Variants in ATRX observed in about 807,000 individuals in gnomAD.
ATRX encodes chromatin remodeler ATRX.
In ATRX, 12 loss-of-function variants were observed where a neutral mutation model predicts 172.6. That is an observed-to-expected ratio of 0.07 (90% CI 0.04 to 0.11). The LOEUF (loss-of-function observed/expected upper bound fraction) is 0.11, where lower values mean the gene tolerates loss of function less well. Ranked by LOEUF, ATRX falls within the 10% of genes least tolerant of loss-of-function variation. The probability of loss-of-function intolerance (pLI) is 1.00; values close to 1 mark genes in which losing one functional copy is unlikely to be tolerated. For synonymous variants in ATRX, 674 were observed against 594.7 expected (o/e 1.13, Z -1.94); for missense variants, 1,368 against 1,767.4 (o/e 0.77, Z 4.05).
At chrX:77,734,236 C>T (rs2074435521) in intron 1 of ATRX, among the ~76,000 whole-genome samples, 1 of 105,877 alleles carries the variant, frequency 9.4e-6, no homozygotes, top group African/African-American at 3.5e-5. Context: ...TACATACATA[C>T]ATACATACAT....
chrX:77,547,646 A>G (rs1442782685), intron 30 of ATRX, among the ~76,000 whole-genome samples: 2 of 110,576 alleles, frequency 1.8e-5, no homozygotes, highest in Non-Finnish European at 3.8e-5. Context: ...AAAGTTGCTT[A>G]TATTATTTAA....
At chrX:77,573,014 TA>T in intron 28 of ATRX, among the ~76,000 whole-genome samples, 1 of 111,948 alleles carries the variant, frequency 8.9e-6, no homozygotes, top group South Asian at 3.7e-4. Flanking sequence ...TCTACTAAAC[TA>T]ACCCCATCTC....
intron 30 of ATRX, among the ~76,000 whole-genome samples, chrX:77,551,609 T>C (rs1557056251): frequency 3.6e-5 from 4 of 111,882 alleles, no homozygotes; most frequent in Non-Finnish European, 5.6e-5. Context: ...AAAGCCAAAA[T>C]TGACAAATGG....
intron 1 of ATRX, among the ~76,000 whole-genome samples, chrX:77,766,508 G>T (rs1461374324): frequency 9.2e-6 from 1 of 108,977 alleles, no homozygotes; most frequent in Non-Finnish European, 1.9e-5. Flanking sequence ...CTCAGACGGG[G>T]CGGCCAGGCA....
In ATRX at chrX:77,741,012, G is replaced by C. The variant is rs182152612; in HGVS notation, c.21-23769C>G. ...GAGCCCAGGAGGTCAAGACCAGCCT[G>C]AGCAACATAGTGAGACCCTGTCTCT... is the stretch of plus-strand genomic sequence containing the variant. On this transcript the variant is annotated intron_variant, in intron 1 of 34. Transcript: ENST00000373344. Among the ~76,000 whole-genome samples, 401 of 100,663 alleles carry C rather than the reference G, an allele frequency of 4.0e-3. 1 individual carries two copies. The highest frequency in any genetic ancestry group is 0.013 in the African/African-American group (378 of 29,116). 87.4% of individuals were successfully genotyped at this position (100,663 alleles called of 115,157 possible). A position where few individuals can be genotyped will look rare whatever the true frequency, so the allele number is the denominator to read the frequency against.
intron 15 of ATRX, among the ~76,000 whole-genome samples, chrX:77,650,002 T>G (rs1177409369): frequency 8.9e-6 from 1 of 111,823 alleles, no homozygotes; most frequent in Non-Finnish European, 1.9e-5. Flanking sequence ...AGAAGGTAAA[T>G]AAATAGAGAA....
At chrX:77,685,225 G>A (rs1174675260) in intron 7 of ATRX, among the ~76,000 whole-genome samples, 1 of 111,743 alleles carries the variant, frequency 8.9e-6, no homozygotes, top group East Asian at 2.8e-4. Flanking sequence ...GCACAGCAAA[G>A]GATACAATCA....
intron 1 of ATRX, among the ~76,000 whole-genome samples, chrX:77,721,134 C>T (rs782535285): frequency 3.6e-5 from 4 of 111,508 alleles, no homozygotes; most frequent in South Asian, 7.5e-4. Flanking sequence ...CACTCCTTCA[C>T]GCTAAAAACT....
At chrX:77,659,524 C>G (rs113774625) in intron 12 of ATRX, among the ~76,000 whole-genome samples, 71 of 98,335 alleles carry the variant, frequency 7.2e-4, no homozygotes, top group African/African-American at 1.6e-3. Context: ...CACACACACA[C>G]AGGCAGACAC....
intron 15 of ATRX, among the ~76,000 whole-genome samples, chrX:77,648,363 GAA>G (rs782402821): frequency 9.0e-6 from 1 of 110,611 alleles, no homozygotes; most frequent in African/African-American, 3.3e-5. Flanking sequence ...ACAGAAATTA[GAA>G]AAGATTCAGA....
At chrX:77,545,644 G>C (rs2064210965) in intron 30 of ATRX, among the ~76,000 whole-genome samples, 1 of 111,392 alleles carries the variant, frequency 9.0e-6, no homozygotes. Flanking sequence ...TAAAGAAATA[G>C]GAATGCAAAA....
At chrX:77,679,739 A>T (rs2071087844) in intron 9 of ATRX, among the ~76,000 whole-genome samples, 1 of 111,843 alleles carries the variant, frequency 8.9e-6, no homozygotes, top group Non-Finnish European at 1.9e-5. Context: ...AAATAGCCAG[A>T]CTAAGAAAAA....
chrX:77,744,302 G>A (rs1170589645), intron 1 of ATRX, among the ~76,000 whole-genome samples: 1 of 112,394 alleles, frequency 8.9e-6, no homozygotes, highest in Admixed American at 9.4e-5. Flanking sequence ...GGGCAACAGA[G>A]CTGTCTCAAA....
intron 28 of ATRX, among the ~76,000 whole-genome samples, chrX:77,568,623 G>A (rs782291429): frequency 1.8e-5 from 2 of 111,825 alleles, no homozygotes; most frequent in Admixed American, 1.9e-4. Context: ...TTATGAGGTC[G>A]ATATTAACCT....
intron 2 of ATRX, among the ~76,000 whole-genome samples, chrX:77,715,162 G>C (rs2073310020): frequency 9.0e-6 from 1 of 111,398 alleles, no homozygotes; most frequent in South Asian, 3.7e-4. Context: ...TTCTATGCTG[G>C]CAATTACAAT....
chrX:77,681,819 G>T lies in ATRX; in HGVS notation c.3437C>A (p.Thr1146Asn), dbSNP rs368828845. ...TGATGAGCCACTTTGTATTTCCTTA[G>T]TATTTCTCTTTGAACTTAAATTTCT... ...ERRNLSSKRNTKEIQSGSSSS... is the reference protein window; with the variant it reads ...ERRNLSSKRNNKEIQSGSSSS... Residue 1146 changes from threonine to asparagine, a missense_variant, in exon 9 of 35, where the codon ACT becomes AAT. Thr to Asn is a moderately conservative substitution (Grantham distance 65). Around this residue, in one of 17 missense-constraint regions of ATRX, gnomAD observed 843 missense variants for 643.1 expected, o/e 1.31. Transcript: ENST00000373344. The T allele has an allele frequency of 1.7e-6, 2 of 1,198,131 alleles. No homozygotes were observed. The highest frequency in any genetic ancestry group is 3.0e-5 in the East Asian group (1 of 33,644).
At chrX:77,660,812 A>G (rs782017950) in intron 12 of ATRX, among the ~76,000 whole-genome samples, 3 of 110,867 alleles carry the variant, frequency 2.7e-5, no homozygotes, top group Non-Finnish European at 3.8e-5. Context: ...TTTGTAAAAC[A>G]TTACAACTCC....
At position 77,683,777 on chromosome X, in the gene ATRX, A is replaced by G. The variant is rs2148621573; in HGVS notation, c.1479T>C (p.His493=). 2 of 1,210,236 alleles carry G rather than the reference A, an allele frequency of 1.7e-6. No individual in the cohort carries two copies. Among genetic ancestry groups the G allele is most frequent in the Non-Finnish European group, 2.2e-6 (2 of 894,177 alleles). ...QRTNKSTGGE[H]KKSDRKEEPQ... ...GTTCTTCTTTTCTATCAGATTTCTT[A>G]TGTTCACCACCGGTACTTTTATTTG... Residue 493 remains histidine (H), a synonymous_variant, in exon 9 of 35, where the codon CAT becomes CAC. Coordinates refer to ENST00000373344, the MANE Select transcript of ATRX (RefSeq NM_000489.6).
chrX:77,507,549 G>A lies in ATRX; in HGVS notation c.*802C>T. 1 of 174,934 alleles carries A rather than the reference G, an allele frequency of 5.7e-6. No homozygotes were observed. The highest frequency in any genetic ancestry group is 7.8e-5 in the Admixed American group (1 of 12,812). 14.4% of individuals were successfully genotyped at this position (174,934 alleles called of 1,213,427 possible). Reference sequence around the variant, plus strand: ...GTTAAGAGATGTGCTTTATATTCGTGCCAGGAGAGAGAAAATTCATGTGTG... The same window carrying A: ...GTTAAGAGATGTGCTTTATATTCGTACCAGGAGAGAGAAAATTCATGTGTG... On this transcript the variant is annotated 3_prime_UTR_variant, in exon 35 of 35. Coordinates refer to ENST00000373344, the MANE Select transcript of ATRX (RefSeq NM_000489.6).
Sources: allele counts gnomAD v4.1 joint callset (sites outside exome capture counted in the v4.1 genomes callset), GRCh38; gene constraint gnomAD v4.1.1; regional missense constraint gnomAD v4.1.1; transcripts MANE v1.5; gene names NCBI Gene and HGNC (gene_info 2026-07-23, HGNC 2026-07-21).